URM1: variants seen among roughly 807,000 people sequenced by gnomAD.
The protein encoded by URM1 is ubiquitin related modifier 1.
In URM1, 11 loss-of-function variants were observed where a neutral mutation model predicts 17.7. The ratio of observed to expected loss-of-function variants is 0.62; its 90% CI spans 0.39 to 1.03. The LOEUF (loss-of-function observed/expected upper bound fraction) is 1.03. URM1 is among the 50% of genes least tolerant of loss of function. The pLI is 0.00. For missense variants in URM1, 128 were observed against 129.2 expected (o/e 0.99, Z 0.04); for synonymous variants, 48 against 50.6 (o/e 0.95, Z 0.22).
At chr9:128,376,683 GTAAAA>G (rs1009547145) in intron 1 of URM1, among the ~76,000 whole-genome samples, 7 of 129,198 alleles carry the variant, frequency 5.4e-5, no homozygotes, top group Admixed American at 1.4e-4. Context: ...TTTTTAAAAA[GTAAAA>G]TAAAATAATA....
chr9:128,378,600 C>T (rs1157684125), intron 2 of URM1, among the ~76,000 whole-genome samples: 1 of 115,056 alleles, frequency 8.7e-6, no homozygotes, highest in Non-Finnish European at 1.8e-5. Context: ...AACAAATATA[C>T]ACTGAGCACC....
At chr9:128,385,860 G>A (rs1833219815) in intron 2 of URM1, among the ~76,000 whole-genome samples, 1 of 151,516 alleles carries the variant, frequency 6.6e-6, no homozygotes, top group Non-Finnish European at 1.5e-5. Flanking sequence ...TATCAAAAAT[G>A]TGGGCAGGCC....
At chr9:128,388,571 C>T in intron 3 of URM1, 11 of 986,310 alleles carry the variant, frequency 1.1e-5, no homozygotes, top group Non-Finnish European at 1.1e-5. Context: ...AGGGATCAGG[C>T]CTAGGGGATC....
At chr9:128,378,278 C>G (rs1833105104) in intron 2 of URM1, among the ~76,000 whole-genome samples, 172 bp downstream of exon 2, 1 of 151,864 alleles carries the variant, frequency 6.6e-6, no homozygotes, top group Non-Finnish European at 1.5e-5. Flanking sequence ...GTGGCTCATG[C>G]CTGTAATCCC....
Position 128,389,243 on chromosome 9 carries a change from C to A in URM1, c.189-18C>A, listed in dbSNP as rs1249581770. 1.9e-6 allele frequency: 3 copies of A among 1,586,150 alleles called. No homozygotes were observed. The highest frequency in any genetic ancestry group is 2.6e-6 in the Non-Finnish European group (3 of 1,164,218). ...CCTGCCTCTCACTCCTTGCTACTCA[C>A]CACCATCTTTCCCACAGGCGGCCAG... On this transcript the variant is annotated intron_variant, in intron 3 of 4. Transcript: ENST00000372853.
In URM1 at chr9:128,387,914, C is replaced by T. The variant is rs1175460924; in HGVS notation, c.188+17C>T. The T allele has an allele frequency of 6.2e-7, 1 of 1,613,818 alleles. No individual in the cohort carries two copies. The highest frequency in any genetic ancestry group is 2.2e-5 in the East Asian group (1 of 44,876). On this transcript the variant is annotated intron_variant, in intron 3 of 4. Coordinates refer to ENST00000372853, the MANE Select transcript of URM1 (RefSeq NM_030914.4). The surrounding 1 kb of genome is among the most constrained non-coding windows in gnomAD (Gnocchi z 4.3). ...AGACAGCGTGTGAGTCCCACTCCTCCCTTCCCTGAAGCAGGTGGAGGGAGG... is the reference window on the plus strand; with the variant it reads ...AGACAGCGTGTGAGTCCCACTCCTCTCTTCCCTGAAGCAGGTGGAGGGAGG...
At chr9:128,373,622 C>T (rs565501513) in intron 1 of URM1, among the ~76,000 whole-genome samples, 9 of 152,166 alleles carry the variant, frequency 5.9e-5, no homozygotes, top group Admixed American at 3.9e-4. Context: ...TCTCAGGTCA[C>T]GCAGGATTCA....
intron 2 of URM1, among the ~76,000 whole-genome samples, chr9:128,386,695 C>G (rs1833231884): frequency 6.6e-6 from 1 of 152,246 alleles, no homozygotes; most frequent in South Asian, 2.1e-4. Context: ...GTCCTAGCCA[C>G]CTTTCCCTTG....
chr9:128,381,295 A>T (rs1053558226), intron 2 of URM1, among the ~76,000 whole-genome samples: 1 of 152,204 alleles, frequency 6.6e-6, no homozygotes, highest in Non-Finnish European at 1.5e-5. Flanking sequence ...ACAAGTAAAC[A>T]AATGAATGTA....
chr9:128,379,633 A>T (rs1299461219), intron 2 of URM1, among the ~76,000 whole-genome samples: 1 of 152,090 alleles, frequency 6.6e-6, no homozygotes, highest in East Asian at 1.9e-4. Flanking sequence ...CCCCGTCTCT[A>T]CTAAAAATAC....
At chr9:128,389,025 G>C (rs890967548) in intron 3 of URM1, 1 of 1,344,526 alleles carries the variant, frequency 7.4e-7, no homozygotes, top group Non-Finnish European at 9.5e-7. Context: ...GGTCTGGGTG[G>C]TGGTGCTGGC....
In URM1 at chr9:128,389,672, C is replaced by T. The variant is rs1384893970; in HGVS notation, c.244C>T (p.Leu82=). The T allele has an allele frequency of 1.2e-6, 2 of 1,613,538 alleles. No homozygotes were observed. Among genetic ancestry groups the T allele is most frequent in the African/African-American group, 1.3e-5 (1 of 75,052 alleles). The change falls in exon 5 of 5, where the codon CTG becomes TTG. Residue 82 remains leucine (L), a synonymous_variant. Coordinates refer to ENST00000372853, the MANE Select transcript of URM1 (RefSeq NM_030914.4). ...CCCCTCTCTCCCGCACCAGGGTGAG[C>T]TGGACTACCAGCTTCAGGACCAGGA... ...NDADWELLGE[L]DYQLQDQDSV...
chr9:128,378,218 C>T (rs890380763), intron 2 of URM1, 112 bp downstream of exon 2: 2 of 732,032 alleles, frequency 2.7e-6, no homozygotes, highest in East Asian at 5.8e-5. Flanking sequence ...GCTAAGCTGC[C>T]TCTCTAGCAG....
Position 128,389,882 on chromosome 9 carries a change from G to T in URM1, c.*148G>T, listed in dbSNP as rs773271761. 4 of 1,111,016 alleles carry T rather than the reference G, an allele frequency of 3.6e-6. No homozygotes were observed. Among genetic ancestry groups the T allele is most frequent in the African/African-American group, 1.6e-5 (1 of 63,186 alleles). 68.8% of individuals were successfully genotyped at this position (1,111,016 alleles called of 1,614,324 possible). A position where few individuals can be genotyped will look rare whatever the true frequency, so the allele number is the denominator to read the frequency against. On this transcript the variant is annotated 3_prime_UTR_variant, in exon 5 of 5. Transcript: ENST00000372853. ...AGCTCCCTCCAGGCAGGGAAAAGAG[G>T]CCAGGTGCTAAAAATGAGCCTTTCT... is the stretch of plus-strand genomic sequence containing the variant.
At chr9:128,376,989 A>C (rs1488974025) in intron 1 of URM1, among the ~76,000 whole-genome samples, 1 of 152,116 alleles carries the variant, frequency 6.6e-6, no homozygotes, top group Non-Finnish European at 1.5e-5. Flanking sequence ...TTGTCTCAAA[A>C]ATAAATAGAT....
chr9:128,375,114 T>C (rs1833060393), intron 1 of URM1, among the ~76,000 whole-genome samples: 1 of 152,240 alleles, frequency 6.6e-6, no homozygotes, highest in Non-Finnish European at 1.5e-5. Flanking sequence ...TGCTTTTCTA[T>C]CAAAGTGAGC....
In URM1 at chr9:128,387,909, T is replaced by A; in HGVS notation, c.188+12T>A. The A allele has an allele frequency of 6.2e-7, 1 of 1,613,824 alleles. No homozygotes were observed. Among genetic ancestry groups the A allele is most frequent in the Non-Finnish European group, 8.5e-7 (1 of 1,179,944 alleles). On this transcript the variant is annotated intron_variant, in intron 3 of 4. Transcript: ENST00000372853. The surrounding 1 kb of genome is among the most constrained non-coding windows in gnomAD (Gnocchi z 4.3). ...CAGGGAGACAGCGTGTGAGTCCCAC[T>A]CCTCCCTTCCCTGAAGCAGGTGGAG...
intron 2 of URM1, among the ~76,000 whole-genome samples, chr9:128,380,667 G>A (rs529723186): frequency 2.2e-5 from 3 of 136,364 alleles, no homozygotes; most frequent in Non-Finnish European, 3.1e-5. Context: ...ATGGAGTCTC[G>A]CTCTGTCTCC....
chr9:128,376,337 G>A (rs2131290172), intron 1 of URM1, among the ~76,000 whole-genome samples: 1 of 152,262 alleles, frequency 6.6e-6, no homozygotes, highest in East Asian at 1.9e-4. Context: ...ACTCCAGCCT[G>A]GGTGACAGAG....
Sources: gnomAD v4.1 joint callset for allele counts (sites outside exome capture counted in the v4.1 genomes callset) on GRCh38, gnomAD v4.1.1 for gene constraint, Gnocchi (gnomAD v3.1) non-coding constraint, MANE v1.5 for transcripts, NCBI Gene and HGNC (gene_info 2026-07-23, HGNC 2026-07-21) for gene names.